MARCHF1: variants seen among roughly 807,000 people sequenced by gnomAD.
The protein encoded by MARCHF1 is membrane associated ring-CH-type finger 1.
Under a neutral mutation model 54.2 loss-of-function variants are expected in MARCHF1, and 40 were observed. That is an observed-to-expected ratio of 0.74 (90% confidence interval 0.57 to 0.96). The LOEUF (loss-of-function observed/expected upper bound fraction) is 0.96. MARCHF1 is among the 40% of genes least tolerant of loss of function. The pLI, the probability that MARCHF1 is intolerant of heterozygous loss-of-function variation, is 0.00. For missense variants in MARCHF1, 586 were observed against 656.5 expected (o/e 0.89, Z 1.17); for synonymous variants, 236 against 236.3 (o/e 1.00, Z 0.01).
chr4:163,591,064 TATG>T (rs1460715418), intron 7 of MARCHF1, among the ~76,000 whole-genome samples: 3 of 151,000 alleles, frequency 2.0e-5, no homozygotes, highest in African/African-American at 4.9e-5. Flanking sequence ...AATTATTTCA[TATG>T]ATTATTAATT....
chr4:163,641,062 A>G (rs1742535456), intron 5 of MARCHF1, among the ~76,000 whole-genome samples: 1 of 152,126 alleles, frequency 6.6e-6, no homozygotes, highest in South Asian at 2.1e-4. Context: ...ATGTCAACCT[A>G]TAAGTGCAGT....
chr4:163,700,888 A>G, intron 4 of MARCHF1, 25 bp from the exon 5 acceptor site: 1 of 1,508,072 alleles, frequency 6.6e-7, no homozygotes, highest in Non-Finnish European at 8.9e-7. Context: ...GGGAAACATT[A>G]ATTAAAAGAA....
At chr4:163,834,474 T>C (rs957522804) in intron 4 of MARCHF1, among the ~76,000 whole-genome samples, 1 of 152,150 alleles carries the variant, frequency 6.6e-6, no homozygotes, top group African/African-American at 2.4e-5. Flanking sequence ...TATTATACTT[T>C]AAGTTTTAGG....
intron 3 of MARCHF1, among the ~76,000 whole-genome samples, chr4:163,973,135 T>C (rs1450853129): frequency 6.6e-6 from 1 of 152,214 alleles, no homozygotes. Flanking sequence ...TTACCAAGTA[T>C]AAAGTCACAC....
intron 3 of MARCHF1, among the ~76,000 whole-genome samples, chr4:163,862,812 A>G (rs528020628): frequency 6.6e-6 from 1 of 152,228 alleles, no homozygotes; most frequent in South Asian, 2.1e-4. Context: ...TGGAAGCAAC[A>G]AACATGCCCT....
At chr4:163,866,082 G>A (rs1750041082) in intron 3 of MARCHF1, among the ~76,000 whole-genome samples, 1 of 151,378 alleles carries the variant, frequency 6.6e-6, no homozygotes, top group Non-Finnish European at 1.5e-5. Flanking sequence ...GGTCTCTAGG[G>A]AACTCAGAAA....
Position 163,650,221 on chromosome 4 carries a change from C to T in MARCHF1, c.163-36828G>A, listed in dbSNP as rs191559615. 7.8e-4 allele frequency among the ~76,000 whole-genome samples: 119 copies of T among 151,966 alleles called. 1 individual carries two copies. The highest frequency in any genetic ancestry group is 2.8e-3 in the African/African-American group (116 of 41,488). On this transcript the variant is annotated intron_variant, in intron 5 of 9. Transcript: ENST00000514618. ...TATAACTAAACATAAGCATTTACAT[C>T]TTTTGAAAGTAGTTATTAAACTAAT...
intron 4 of MARCHF1, among the ~76,000 whole-genome samples, chr4:163,722,493 T>G (rs149963281): frequency 6.2e-4 from 95 of 152,240 alleles, no homozygotes; most frequent in African/African-American, 2.2e-3. Flanking sequence ...GTGCTGAGAA[T>G]AATGTATATT....
chr4:163,625,124 A>T (rs188606125), intron 5 of MARCHF1, among the ~76,000 whole-genome samples: 5 of 152,298 alleles, frequency 3.3e-5, no homozygotes, highest in Non-Finnish European at 7.4e-5. Flanking sequence ...ATTCCCAAAC[A>T]CACCCATTCT....
chr4:163,615,621 G>A (rs1396487933), intron 5 of MARCHF1, among the ~76,000 whole-genome samples: 1 of 152,098 alleles, frequency 6.6e-6, no homozygotes, highest in Non-Finnish European at 1.5e-5. Context: ...TGGAATGGAA[G>A]AATTAATATT....
intron 3 of MARCHF1, among the ~76,000 whole-genome samples, chr4:163,924,277 G>A (rs1751492857): frequency 6.6e-6 from 1 of 152,032 alleles, no homozygotes; most frequent in African/African-American, 2.4e-5. Context: ...CAATACATTT[G>A]AGCTAAGTTG....
intron 4 of MARCHF1, among the ~76,000 whole-genome samples, chr4:163,834,741 G>C (rs1404643128): frequency 6.6e-6 from 1 of 151,818 alleles, no homozygotes; most frequent in Non-Finnish European, 1.5e-5. Flanking sequence ...GGTGGGAATT[G>C]AACAATGAGA....
chr4:163,568,937 T>C (rs1436156165), intron 8 of MARCHF1, among the ~76,000 whole-genome samples: 1 of 152,088 alleles, frequency 6.6e-6, no homozygotes, highest in Non-Finnish European at 1.5e-5. Context: ...GCATCAGGCA[T>C]CTAAATTCCA....
At chr4:164,189,976 C>T in intron 1 of MARCHF1, 1 of 1,506,936 alleles carries the variant, frequency 6.6e-7, no homozygotes, top group South Asian at 1.1e-5. Flanking sequence ...CACCTGACAC[C>T]TGAAGAAATC....
intron 4 of MARCHF1, among the ~76,000 whole-genome samples, chr4:163,757,338 C>T (rs6856674): frequency 0.024 from 3,618 of 152,268 alleles, 142 homozygotes; most frequent in African/African-American, 0.081. Flanking sequence ...CTCACCCAAA[C>T]ACTAAATTGT....
chr4:163,548,348 C>T (rs577988640), intron 8 of MARCHF1, among the ~76,000 whole-genome samples: 1 of 151,110 alleles, frequency 6.6e-6, no homozygotes, highest in East Asian at 1.9e-4. Flanking sequence ...AATCAACCCT[C>T]AATTATAAAA....
chr4:163,529,055 T>C lies in MARCHF1; in HGVS notation c.1340-9A>G, dbSNP rs1403205438. ...TGGCCATTCAAGGACACCTTTGAAATGAAAAAGAGAAAATGTTATCACCAA... is the reference window on the plus strand; with the variant it reads ...TGGCCATTCAAGGACACCTTTGAAACGAAAAAGAGAAAATGTTATCACCAA... On this transcript the variant is annotated splice_polypyrimidine_tract_variant and intron_variant, in intron 9 of 9. Transcript: ENST00000514618. 1.1e-5 allele frequency: 17 copies of C among 1,581,466 alleles called. No homozygotes were observed. The highest frequency in any genetic ancestry group is 1.5e-5 in the Non-Finnish European group (17 of 1,162,696).
chr4:164,146,370 T>C (rs1729735090), intron 1 of MARCHF1, among the ~76,000 whole-genome samples: 1 of 151,536 alleles, frequency 6.6e-6, no homozygotes, highest in African/African-American at 2.4e-5. Flanking sequence ...GCCAAGTCAA[T>C]CCTGAACCAA....
chr4:163,983,651 T>A (rs914347092), intron 3 of MARCHF1, among the ~76,000 whole-genome samples: 10 of 152,212 alleles, frequency 6.6e-5, no homozygotes, highest in Non-Finnish European at 1.5e-4. Context: ...AGACTGGTAG[T>A]CAATGGCCTG....
Sources: allele counts gnomAD v4.1 joint callset (sites outside exome capture counted in the v4.1 genomes callset), GRCh38; gene constraint gnomAD v4.1.1; transcripts MANE v1.5; gene names NCBI Gene and HGNC (gene_info 2026-07-23, HGNC 2026-07-21).